Variants in NALF1 observed in about 807,000 individuals in gnomAD.
NALF1 encodes NALCN channel auxiliary factor 1, also known as family with sequence similarity 155 member A.
A neutral mutation model predicts 48.4 loss-of-function variants in NALF1; 3 were observed. That is an observed-to-expected ratio of 0.06 (90% confidence interval 0.03 to 0.16). The LOEUF is 0.16. NALF1 is among the 10% of genes least tolerant of loss of function. The probability of loss-of-function intolerance (pLI) is 1.00; values close to 1 mark genes in which losing one functional copy is unlikely to be tolerated. For missense variants in NALF1, 526 were observed against 571.5 expected, an observed-to-expected ratio of 0.92 and a Z score of 0.81; for synonymous variants, 262 against 245.7, an observed-to-expected ratio of 1.07 and a Z score of -0.62.
Position 107,201,395 on chromosome 13 carries a change from C to T in NALF1, c.1087+9189G>A, listed in dbSNP as rs537502904. 6.6e-5 allele frequency among the ~76,000 whole-genome samples: 10 copies of T among 152,166 alleles called. No individual in the cohort carries two copies. In the East Asian group the frequency reaches 1.4e-3, roughly 21 times the overall value. On this transcript the variant is annotated intron_variant, in intron 2 of 2. Transcript: ENST00000375915. ...ATCGAGACCAGCCTGGCTAACACGG[C>T]GAAATGCCATCTCTACTAAAAATAC... is the stretch of plus-strand genomic sequence containing the variant.
At chr13:107,742,896 C>T (rs576354844) in intron 1 of NALF1, among the ~76,000 whole-genome samples, 7 of 152,304 alleles carry the variant, frequency 4.6e-5, no homozygotes, top group Non-Finnish European at 7.4e-5. Flanking sequence ...ATTGTGGATG[C>T]TACGGAGAAT....
chr13:107,316,556 C>T (rs1228158415), intron 1 of NALF1, among the ~76,000 whole-genome samples: 1 of 152,148 alleles, frequency 6.6e-6, no homozygotes, highest in African/African-American at 2.4e-5. Context: ...CTCTCCAGCA[C>T]TTGTTGTTTC....
chr13:107,607,736 C>A (rs1879111890), intron 1 of NALF1, among the ~76,000 whole-genome samples: 1 of 152,110 alleles, frequency 6.6e-6, no homozygotes, highest in African/African-American at 2.4e-5. Context: ...AGCTGTGTGA[C>A]CCTGGGCAAT....
intron 1 of NALF1, among the ~76,000 whole-genome samples, chr13:107,759,692 C>G (rs1293094875): frequency 3.3e-5 from 5 of 152,196 alleles, no homozygotes; most frequent in Non-Finnish European, 2.9e-5. Flanking sequence ...TGTGTTCTTA[C>G]CTTACTGTTC....
At chr13:107,324,192 C>T (rs1158942055) in intron 1 of NALF1, among the ~76,000 whole-genome samples, 3 of 152,160 alleles carry the variant, frequency 2.0e-5, no homozygotes, top group African/African-American at 7.2e-5. Flanking sequence ...TGTCCTAACA[C>T]TTTGACAGTA....
intron 1 of NALF1, among the ~76,000 whole-genome samples, chr13:107,565,297 G>A (rs1460822012): frequency 6.7e-6 from 1 of 149,210 alleles, no homozygotes; most frequent in Non-Finnish European, 1.5e-5. Flanking sequence ...ATGCCAGAGC[G>A]TCCCTTGAGA....
chr13:107,735,156 T>C (rs1165578805), intron 1 of NALF1, among the ~76,000 whole-genome samples: 1 of 151,690 alleles, frequency 6.6e-6, no homozygotes, highest in Non-Finnish European at 1.5e-5. Flanking sequence ...TGGTGAAAAA[T>C]AGTAACCCAG....
intron 1 of NALF1, among the ~76,000 whole-genome samples, chr13:107,638,038 T>C (rs1012202001): frequency 6.6e-6 from 1 of 151,624 alleles, no homozygotes; most frequent in African/African-American, 2.4e-5. Flanking sequence ...TTAATGACCG[T>C]AAGTCATCTT....
intron 1 of NALF1, among the ~76,000 whole-genome samples, chr13:107,770,061 C>T (rs913106419): frequency 2.0e-5 from 3 of 152,154 alleles, no homozygotes; most frequent in Admixed American, 6.5e-5. Context: ...TACAGGCACC[C>T]GCCACCACGC....
chr13:107,356,102 C>T (rs189326807), intron 1 of NALF1, among the ~76,000 whole-genome samples: 4 of 152,232 alleles, frequency 2.6e-5, no homozygotes, highest in East Asian at 1.9e-4. Context: ...ACACAGGAGC[C>T]GATGTCATGC....
At position 107,838,104 on chromosome 13, in the gene NALF1, A is replaced by T. The variant is rs966417636; in HGVS notation, c.915+27578T>A. On this transcript the variant is annotated intron_variant, in intron 1 of 2. Coordinates refer to ENST00000375915, the MANE Select transcript of NALF1 (RefSeq NM_001080396.3). The stretch of plus-strand genomic sequence containing the variant: ...CGGCACAAGAAGTACTTGTGAAGGA[A>T]TGGGCTTCTAAAGAGCCTGCCATGG... Among the ~76,000 whole-genome samples, 5 of 152,198 alleles carry T rather than the reference A, an allele frequency of 3.3e-5. No homozygotes were observed. In the South Asian group the frequency reaches 8.3e-4, roughly 25 times the overall value.
chr13:107,291,898 G>GAT (rs1881628148), intron 1 of NALF1, among the ~76,000 whole-genome samples: 1 of 152,150 alleles, frequency 6.6e-6, no homozygotes, highest in Non-Finnish European at 1.5e-5. Flanking sequence ...TCAAGTAGAA[G>GAT]ATAGTCATAA....
At chr13:107,554,254 T>G (rs1167349511) in intron 1 of NALF1, among the ~76,000 whole-genome samples, 2 of 152,200 alleles carry the variant, frequency 1.3e-5, no homozygotes, top group Non-Finnish European at 2.9e-5. Context: ...ATTTTCAGAT[T>G]TCTGTAGAGA....
chr13:107,782,948 G>T (rs1327277049), intron 1 of NALF1, among the ~76,000 whole-genome samples: 4 of 148,000 alleles, frequency 2.7e-5, no homozygotes, highest in Admixed American at 6.7e-5. Flanking sequence ...CCGGCCAGCC[G>T]CCCCGTCCGG....
At chr13:107,726,422 A>G (rs1239560367) in intron 1 of NALF1, among the ~76,000 whole-genome samples, 1 of 152,082 alleles carries the variant, frequency 6.6e-6, no homozygotes, top group Non-Finnish European at 1.5e-5. Flanking sequence ...ACCAAATAAA[A>G]AATTCCTTTT....
chr13:107,434,368 TTTCTC>T (rs148401156), intron 1 of NALF1, among the ~76,000 whole-genome samples: 2,821 of 152,310 alleles, frequency 0.019, 33 homozygotes, highest in South Asian at 0.029. Flanking sequence ...AGTGGGATCT[TTTCTC>T]TATCTATCCA....
chr13:107,481,667 A>G (rs1885255602), intron 1 of NALF1, among the ~76,000 whole-genome samples: 1 of 152,122 alleles, frequency 6.6e-6, no homozygotes, highest in African/African-American at 2.4e-5. Context: ...GTGAAGCAGG[A>G]TAAGTGAAAA....
chr13:107,606,083 T>C (rs1879058767), intron 1 of NALF1, among the ~76,000 whole-genome samples: 1 of 152,142 alleles, frequency 6.6e-6, no homozygotes, highest in Non-Finnish European at 1.5e-5. Context: ...AAATGTGTTT[T>C]CCATTGCCTA....
At chr13:107,722,251 G>C (rs941904362) in intron 1 of NALF1, among the ~76,000 whole-genome samples, 1 of 152,036 alleles carries the variant, frequency 6.6e-6, no homozygotes, top group Non-Finnish European at 1.5e-5. Flanking sequence ...AGAAACCTAA[G>C]TTTCTCCCTT....
Sources: allele counts gnomAD v4.1 joint callset (sites outside exome capture counted in the v4.1 genomes callset), GRCh38; gene constraint gnomAD v4.1.1; transcripts MANE v1.5; gene names NCBI Gene and HGNC (gene_info 2026-07-23, HGNC 2026-07-21).